Variants in ADK observed in about 807,000 individuals in gnomAD.
ADK encodes adenosine kinase.
Under a neutral mutation model 44.7 loss-of-function variants are expected in ADK, and 24 were observed. That is an observed-to-expected ratio of 0.54 (90% CI 0.39 to 0.76). ADK has a LOEUF of 0.76. Ranked by LOEUF, ADK falls within the 30% of genes least tolerant of loss-of-function variation. ADK has a pLI of 0.00. For missense variants in ADK, 321 were observed against 425.1 expected (o/e 0.76, Z 2.15); for synonymous variants, 128 against 142.6 (o/e 0.90, Z 0.73).
chr10:74,170,993 T>C (rs1842148026), intron 1 of ADK, among the ~76,000 whole-genome samples: 1 of 152,064 alleles, frequency 6.6e-6, no homozygotes, highest in Non-Finnish European at 1.5e-5. Flanking sequence ...TATGCATATA[T>C]GGTGTGTATT....
intron 7 of ADK, among the ~76,000 whole-genome samples, chr10:74,546,274 G>A (rs1176791752): frequency 1.3e-5 from 2 of 152,140 alleles, no homozygotes; most frequent in Non-Finnish European, 2.9e-5. Context: ...ACTTAGTACT[G>A]TTTTTCAACT....
chr10:74,478,434 G>A (rs766467294), intron 6 of ADK, among the ~76,000 whole-genome samples: 4 of 152,088 alleles, frequency 2.6e-5, no homozygotes, highest in Middle Eastern at 3.2e-3. Context: ...TGTTGCCCAG[G>A]CTTGTCTTGA....
At position 74,567,705 on chromosome 10, in the gene ADK, T is replaced by TG. The variant is rs1428858478; in HGVS notation, c.727-21577_727-21576insG. Among the ~76,000 whole-genome samples the TG allele has an allele frequency of 2.1e-5, 3 of 145,844 alleles. No individual in the cohort carries two copies. The South Asian group carries it at 6.6e-4, about 32-fold the overall frequency. Reference sequence around the variant, plus strand: ...TGTTTTTTTTGTTTTTTTTGTTTTTTTTTTTTTTTTTGAGATGGAGTCTCG... The same window carrying TG: ...TGTTTTTTTTGTTTTTTTTGTTTTTTGTTTTTTTTTTTGAGATGGAGTCTCG... On this transcript the variant is annotated intron_variant, in intron 7 of 10. Coordinates refer to ENST00000539909, the MANE Select transcript of ADK (RefSeq NM_006721.4).
chr10:74,287,651 AG>A (rs1847227034), intron 3 of ADK, among the ~76,000 whole-genome samples: 1 of 152,176 alleles, frequency 6.6e-6, no homozygotes, highest in African/African-American at 2.4e-5. Context: ...TATTAACTGA[AG>A]GGAAAAGAAA....
intron 4 of ADK, among the ~76,000 whole-genome samples, chr10:74,360,709 T>A (rs2131940740): frequency 6.6e-6 from 1 of 152,332 alleles, no homozygotes; most frequent in East Asian, 1.9e-4. Flanking sequence ...TTGTCCCTTT[T>A]TACAGTTTTT....
At chr10:74,542,885 G>GTTAC (rs1235290092) in intron 7 of ADK, among the ~76,000 whole-genome samples, 115 of 146,408 alleles carry the variant, frequency 7.9e-4, no homozygotes, top group African/African-American at 2.3e-3. Flanking sequence ...TTTTATTTTA[G>GTTAC]TTATTTATTT....
At chr10:74,179,171 G>A (rs1842450949) in intron 1 of ADK, among the ~76,000 whole-genome samples, 1 of 152,218 alleles carries the variant, frequency 6.6e-6, no homozygotes, top group Non-Finnish European at 1.5e-5. Context: ...AAGTGACTCT[G>A]TATGGTGATA....
chr10:74,332,859 C>G (rs1841267199), intron 4 of ADK, among the ~76,000 whole-genome samples: 1 of 151,918 alleles, frequency 6.6e-6, no homozygotes, highest in African/African-American at 2.4e-5. Flanking sequence ...AAAATGAAAA[C>G]ACTCATGTTA....
At chr10:74,431,801 G>T (rs1845010166) in intron 6 of ADK, among the ~76,000 whole-genome samples, 1 of 151,512 alleles carries the variant, frequency 6.6e-6, no homozygotes, top group African/African-American at 2.4e-5. Context: ...AACAGAGCAA[G>T]ACTCTATCTC....
At chr10:74,311,345 C>A (rs1592028417) in intron 3 of ADK, among the ~76,000 whole-genome samples, 1 of 152,178 alleles carries the variant, frequency 6.6e-6, no homozygotes, top group South Asian at 2.1e-4. Context: ...AAAACTACAT[C>A]AAGGTGGAAA....
At chr10:74,695,829 G>A (rs548509042) in intron 10 of ADK, among the ~76,000 whole-genome samples, 6 of 151,846 alleles carry the variant, frequency 4.0e-5, no homozygotes, top group African/African-American at 7.3e-5. Context: ...TTGTAGAGCC[G>A]AGGTTTCAAT....
intron 8 of ADK, among the ~76,000 whole-genome samples, chr10:74,591,377 G>A (rs1272120762): frequency 6.6e-6 from 1 of 152,146 alleles, no homozygotes; most frequent in Non-Finnish European, 1.5e-5. Flanking sequence ...ACAGTGATAT[G>A]TTAGACTAAA....
Position 74,546,939 on chromosome 10 carries a change from A to G in ADK, c.726+21513A>G, listed in dbSNP as rs549464978. Reference sequence around the variant, plus strand: ...AAAAATACAAAAACATGCAAAAGAAAAAATTAAAATTAACATGTGTCATAT... The same window carrying G: ...AAAAATACAAAAACATGCAAAAGAAGAAATTAAAATTAACATGTGTCATAT... On this transcript the variant is annotated intron_variant, in intron 7 of 10. Transcript: ENST00000539909. 6.6e-5 allele frequency among the ~76,000 whole-genome samples: 10 copies of G among 152,278 alleles called. No homozygotes were observed. In the South Asian group the frequency reaches 2.1e-3, roughly 32 times the overall value.
intron 10 of ADK, among the ~76,000 whole-genome samples, chr10:74,672,604 C>A (rs1443069276): frequency 6.6e-6 from 1 of 151,990 alleles, no homozygotes; most frequent in African/African-American, 2.4e-5. Context: ...TAATCAGATC[C>A]CAAAACACTG....
chr10:74,398,300 G>C (rs1222161291), intron 5 of ADK, among the ~76,000 whole-genome samples, 171 bp from the exon 6 acceptor site: 1 of 151,792 alleles, frequency 6.6e-6, no homozygotes, highest in South Asian at 2.1e-4. Context: ...GCCTCAGAAA[G>C]TTCTCAAAAC....
intron 3 of ADK, among the ~76,000 whole-genome samples, chr10:74,235,764 T>A (rs991054246): frequency 2.6e-5 from 4 of 152,238 alleles, no homozygotes; most frequent in Admixed American, 2.6e-4. Context: ...AAAACTAATG[T>A]TGAAATTTAA....
intron 6 of ADK, among the ~76,000 whole-genome samples, chr10:74,513,086 T>A (rs916907012): frequency 5.9e-5 from 9 of 152,142 alleles, no homozygotes; most frequent in Admixed American, 4.6e-4. Flanking sequence ...TCTCTTGTTA[T>A]AGATATCTAA....
intron 4 of ADK, among the ~76,000 whole-genome samples, chr10:74,346,309 A>T (rs2131889575): frequency 6.6e-6 from 1 of 151,090 alleles, no homozygotes; most frequent in African/African-American, 2.5e-5. Flanking sequence ...GAATTTTAAT[A>T]TTATTGATAG....
intron 6 of ADK, among the ~76,000 whole-genome samples, chr10:74,491,879 C>T (rs994305202): frequency 2.6e-5 from 4 of 152,004 alleles, no homozygotes; most frequent in African/African-American, 9.7e-5. Flanking sequence ...TTGGGGAAAA[C>T]ATGTATGAAT....
Sources: gnomAD v4.1 joint callset for allele counts (sites outside exome capture counted in the v4.1 genomes callset) on GRCh38, gnomAD v4.1.1 for gene constraint, MANE v1.5 for transcripts, NCBI Gene and HGNC (gene_info 2026-07-23, HGNC 2026-07-21) for gene names.